Variants in CCDC77 observed in about 807,000 individuals in gnomAD.
The protein encoded by CCDC77 is coiled-coil domain-containing protein 77.
CCDC77 carries 56 observed loss-of-function variants against 66.8 expected under a neutral mutation model. The ratio of observed to expected loss-of-function variants is 0.84; its 90% confidence interval spans 0.68 to 1.05. The LOEUF (loss-of-function observed/expected upper bound fraction) is 1.05. Among genes scored for constraint, CCDC77 ranks in the 50% least tolerant of loss-of-function variants. The pLI is 0.00. For synonymous variants in CCDC77, 196 were observed against 195.2 expected (o/e 1.00, Z -0.03); for missense variants, 570 against 576.8 (o/e 0.99, Z 0.12).
chr12:411,254 A>G (rs1476643827), intron 3 of CCDC77, among the ~76,000 whole-genome samples: 2 of 151,762 alleles, frequency 1.3e-5, no homozygotes. Flanking sequence ...ACTCACTGCA[A>G]CCTCTGCCTC....
intron 4 of CCDC77, among the ~76,000 whole-genome samples, chr12:417,865 G>A (rs941040106): frequency 6.6e-6 from 1 of 151,878 alleles, no homozygotes; most frequent in South Asian, 2.1e-4. Flanking sequence ...TCATGCCACC[G>A]CATTCCAGCC....
chr12:415,295 TAATCAACATAA>T (rs1945205366), intron 4 of CCDC77, among the ~76,000 whole-genome samples: 5 of 137,436 alleles, frequency 3.6e-5, no homozygotes, highest in Non-Finnish European at 6.1e-5. Context: ...TATGTTAATA[TAATCAACATAA>T]TATTATGTTA....
chr12:395,997 C>G (rs1447039409), intron 1 of CCDC77, among the ~76,000 whole-genome samples: 1 of 152,146 alleles, frequency 6.6e-6, no homozygotes, highest in Non-Finnish European at 1.5e-5. Context: ...AGGAGGATTG[C>G]TTGAGCCCAG....
intron 2 of CCDC77, among the ~76,000 whole-genome samples, chr12:407,849 G>T (rs1017218456): frequency 1.4e-5 from 2 of 145,938 alleles, no homozygotes; most frequent in African/African-American, 5.2e-5. Flanking sequence ...GTGCAATGGC[G>T]CAATCTCGGC....
chr12:428,126 C>T (rs143617085), intron 5 of CCDC77, among the ~76,000 whole-genome samples: 3 of 152,308 alleles, frequency 2.0e-5, no homozygotes, highest in East Asian at 1.9e-4. Context: ...CAGCAGGCAG[C>T]ATTCCTGGCA....
Position 411,910 on chromosome 12 carries a change from G to A in CCDC77, c.202G>A (p.Glu68Lys). The change falls in exon 4 of 13, where the codon GAG becomes AAG. Residue 68 changes from glutamate (E) to lysine (K), a missense_variant. Glu to Lys is a moderately conservative substitution (Grantham distance 56). Transcript: ENST00000239830. ...GGAATATTATCAAAAGAAGATGGCT[G>A]AGTGTGAGGCAGAAAATGAGGACTT... Reference protein sequence around the residue: ...LLEYYQKKMAECEAENEDLLK... With the variant: ...LLEYYQKKMAKCEAENEDLLK... The A allele has an allele frequency of 6.2e-7, 1 of 1,614,040 alleles. No homozygotes were observed. The highest frequency in any genetic ancestry group is 8.5e-7 in the Non-Finnish European group (1 of 1,180,002).
At chr12:414,630 C>T (rs183929642) in intron 4 of CCDC77, among the ~76,000 whole-genome samples, 86 of 152,308 alleles carry the variant, frequency 5.6e-4, no homozygotes, top group South Asian at 8.3e-4. Context: ...CTTCCCCACC[C>T]GCACATGTAC....
intron 5 of CCDC77, among the ~76,000 whole-genome samples, chr12:427,963 A>AT (rs1404403030): frequency 1.3e-5 from 2 of 152,134 alleles, no homozygotes; most frequent in African/African-American, 4.8e-5. Flanking sequence ...TGAAGCTGGG[A>AT]TGGCTCTTCA....
At chr12:413,945 C>T (rs1945170406) in intron 4 of CCDC77, among the ~76,000 whole-genome samples, 1 of 151,100 alleles carries the variant, frequency 6.6e-6, no homozygotes, top group Non-Finnish European at 1.5e-5. Context: ...GTCTTGACTG[C>T]AGTTTCATCT....
At chr12:434,162 T>TA (rs35839353) in intron 9 of CCDC77, among the ~76,000 whole-genome samples, 4,786 of 147,282 alleles carry the variant, frequency 0.032, 223 homozygotes, top group African/African-American at 0.11. Flanking sequence ...GCACATACTT[T>TA]AAAAAAAAAA....
chr12:398,013 G>A (rs1449035385), upstream of CCDC77, among the ~76,000 whole-genome samples: 1 of 152,138 alleles, frequency 6.6e-6, no homozygotes, highest in Non-Finnish European at 1.5e-5. Context: ...CACTGATGGA[G>A]GGTCTAGCCT....
intron 9 of CCDC77, among the ~76,000 whole-genome samples, chr12:433,790 T>G (rs1053578172): frequency 8.5e-5 from 13 of 152,236 alleles, no homozygotes; most frequent in African/African-American, 3.1e-4. Context: ...ACACTCAGTA[T>G]TTTAATCAGA....
At chr12:436,803 TCCAGGG>T in intron 9 of CCDC77, 1 of 977,420 alleles carries the variant, frequency 1.0e-6, no homozygotes, top group Non-Finnish European at 1.2e-6. Context: ...GGGCATGAAA[TCCAGGG>T]CCGTTAATGA....
chr12:418,801 C>T (rs1945335844), intron 5 of CCDC77, 165 bp downstream of exon 5: 3 of 656,390 alleles, frequency 4.6e-6, no homozygotes, highest in East Asian at 2.9e-5. Context: ...CTGGTTCCAG[C>T]GATTCTCATG....
At chr12:395,661 A>C (rs983427804) in intron 1 of CCDC77, among the ~76,000 whole-genome samples, 2 of 152,200 alleles carry the variant, frequency 1.3e-5, no homozygotes, top group African/African-American at 4.8e-5. Context: ...TGGGAGGCCG[A>C]GGTGGGTAGA....
intron 4 of CCDC77, among the ~76,000 whole-genome samples, chr12:417,051 A>C (rs1439615527): frequency 6.6e-6 from 1 of 150,796 alleles, no homozygotes; most frequent in Non-Finnish European, 1.5e-5. Context: ...AGGCAGAAGA[A>C]TCGCCAAGGA....
At chr12:398,688 CTGT>C (rs973128100), upstream of CCDC77, among the ~76,000 whole-genome samples, 8 of 151,990 alleles carry the variant, frequency 5.3e-5, no homozygotes, top group Non-Finnish European at 7.4e-5. Flanking sequence ...TTCCAAACTC[CTGT>C]TATTATTGAT....
At chr12:416,220 C>A (rs948054191) in intron 4 of CCDC77, among the ~76,000 whole-genome samples, 2 of 150,460 alleles carry the variant, frequency 1.3e-5, no homozygotes, top group African/African-American at 4.9e-5. Context: ...GGATTACGGG[C>A]GTGAGTCACT....
chr12:417,132 CAA>C (rs35593098), intron 4 of CCDC77, among the ~76,000 whole-genome samples: 4 of 128,334 alleles, frequency 3.1e-5, no homozygotes, highest in East Asian at 2.3e-4. Context: ...GGCTCTGTCT[CAA>C]AAAAAAAAAA....
Sources: gnomAD v4.1 joint callset for allele counts (sites outside exome capture counted in the v4.1 genomes callset) on GRCh38, gnomAD v4.1.1 for gene constraint, MANE v1.5 for transcripts, NCBI Gene and HGNC (gene_info 2026-07-23, HGNC 2026-07-21) for gene names.